The following GRM8 variants were observed in gnomAD, a reference collection of about 807,000 sequenced individuals.
GRM8 encodes metabotropic glutamate receptor 8.
Under a neutral mutation model 87.2 loss-of-function variants are expected in GRM8, and 47 were observed. The ratio of observed to expected loss-of-function variants is 0.54; its 90% CI spans 0.43 to 0.69. GRM8 has a LOEUF of 0.69. Among genes scored for constraint, GRM8 ranks in the 30% least tolerant of loss-of-function variants. The pLI, the probability that GRM8 is intolerant of heterozygous loss-of-function variation, is 0.00. For missense variants in GRM8, 1,019 were observed against 1,139.2 expected (o/e 0.89, Z 1.52); for synonymous variants, 396 against 404.5 (o/e 0.98, Z 0.25).
intron 3 of GRM8, among the ~76,000 whole-genome samples, chr7:126,932,145 A>G (rs1167560737): frequency 6.6e-6 from 1 of 152,030 alleles, no homozygotes; most frequent in African/African-American, 2.4e-5. Context: ...TATTCTCAAG[A>G]CTGTTTTATG....
intron 3 of GRM8, among the ~76,000 whole-genome samples, chr7:127,067,938 G>C (rs921586275): frequency 6.6e-6 from 1 of 152,110 alleles, no homozygotes; most frequent in Non-Finnish European, 1.5e-5. Flanking sequence ...GATTCAGGGA[G>C]AACAGCAAAG....
intron 2 of GRM8, among the ~76,000 whole-genome samples, chr7:127,202,823 T>TA (rs35293208): frequency 6.6e-6 from 1 of 152,188 alleles, no homozygotes; most frequent in Non-Finnish European, 1.5e-5. Flanking sequence ...CCTAATCCTC[T>TA]AAAAAAATTA....
chr7:126,810,454 G>C (rs914288698), intron 6 of GRM8, among the ~76,000 whole-genome samples: 1 of 152,132 alleles, frequency 6.6e-6, no homozygotes, highest in African/African-American at 2.4e-5. Flanking sequence ...CACAGACTTA[G>C]CCTCCTTGTC....
intron 9 of GRM8, among the ~76,000 whole-genome samples, chr7:126,530,046 G>T (rs1814554598): frequency 1.3e-5 from 2 of 152,196 alleles, no homozygotes; most frequent in African/African-American, 2.4e-5. Flanking sequence ...ACAAAGGAAT[G>T]TGGGGAAGTT....
intron 7 of GRM8, among the ~76,000 whole-genome samples, chr7:126,611,525 A>T (rs1439540423): frequency 6.6e-6 from 1 of 152,220 alleles, no homozygotes; most frequent in Non-Finnish European, 1.5e-5. Flanking sequence ...TGGCTGGAAA[A>T]ACACGTATGT....
chr7:126,521,083 CAATTT>C (rs978908332), intron 9 of GRM8, among the ~76,000 whole-genome samples: 3 of 152,050 alleles, frequency 2.0e-5, no homozygotes, highest in South Asian at 2.1e-4. Context: ...CAATTCAATT[CAATTT>C]GAGTAGATGA....
chr7:126,928,003 G>T (rs1343830568), intron 3 of GRM8, among the ~76,000 whole-genome samples: 4 of 152,100 alleles, frequency 2.6e-5, no homozygotes, highest in Non-Finnish European at 5.9e-5. Context: ...TTAAGAAAAT[G>T]TGGCACATAT....
intron 7 of GRM8, among the ~76,000 whole-genome samples, chr7:126,613,285 A>AT (rs10713342): frequency 6.8e-4 from 103 of 151,260 alleles, no homozygotes; most frequent in Non-Finnish European, 1.2e-3. Context: ...TAAGTGGCGA[A>AT]TTTTTTTTTT....
chr7:127,219,335 A>G (rs1277453726), intron 2 of GRM8: 3 of 152,248 alleles, frequency 2.0e-5, no homozygotes, highest in South Asian at 2.1e-4. Context: ...TTTGTCTTTC[A>G]TGACAGAAAT....
chr7:126,470,551 T>G (rs1184296963), intron 9 of GRM8, among the ~76,000 whole-genome samples: 1 of 152,144 alleles, frequency 6.6e-6, no homozygotes, highest in Admixed American at 6.5e-5. Context: ...TGGTATTCCA[T>G]GGTGTATATA....
intron 9 of GRM8, among the ~76,000 whole-genome samples, chr7:126,447,910 C>T (rs1192495811): frequency 1.3e-5 from 2 of 151,950 alleles, no homozygotes; most frequent in Non-Finnish European, 2.9e-5. Flanking sequence ...ACGAGATTTA[C>T]TACAAAGTTT....
At chr7:126,825,247 T>C (rs1794653071) in intron 6 of GRM8, among the ~76,000 whole-genome samples, 1 of 152,080 alleles carries the variant, frequency 6.6e-6, no homozygotes, top group Non-Finnish European at 1.5e-5. Context: ...GTTGTATTTT[T>C]AGTAGAGACA....
At chr7:126,976,884 G>C (rs931349470) in intron 3 of GRM8, among the ~76,000 whole-genome samples, 2 of 143,894 alleles carry the variant, frequency 1.4e-5, no homozygotes, top group Admixed American at 1.4e-4. Flanking sequence ...ACAGGGGGTT[G>C]GGGTTTTATT....
intron 7 of GRM8, among the ~76,000 whole-genome samples, chr7:126,692,471 T>A (rs10272830): frequency 0.019 from 2,956 of 152,244 alleles, 98 homozygotes; most frequent in African/African-American, 0.068. Context: ...CAACATTAGA[T>A]GATGTGTGTT....
At chr7:126,516,081 T>C (rs936411494) in intron 9 of GRM8, among the ~76,000 whole-genome samples, 10 of 152,088 alleles carry the variant, frequency 6.6e-5, no homozygotes, top group African/African-American at 2.4e-4. Context: ...TAAATTCTTA[T>C]AGCAAGTATT....
intron 9 of GRM8, among the ~76,000 whole-genome samples, chr7:126,521,465 G>A (rs1040153444): frequency 6.6e-6 from 1 of 151,570 alleles, no homozygotes; most frequent in Non-Finnish European, 1.5e-5. Context: ...CTATTTGATT[G>A]GTTGAAAACT....
chr7:126,922,964 C>T (rs1379490111), intron 3 of GRM8, among the ~76,000 whole-genome samples: 3 of 152,152 alleles, frequency 2.0e-5, no homozygotes, highest in African/African-American at 7.2e-5. Flanking sequence ...CCTGTTCAGC[C>T]TGCAGAATCA....
At chr7:126,897,626 T>G (rs35953635) in intron 6 of GRM8, among the ~76,000 whole-genome samples, 2 of 151,840 alleles carry the variant, frequency 1.3e-5, no homozygotes, top group African/African-American at 2.4e-5. Flanking sequence ...ATAACACCCA[T>G]CACCACTGAT....
At chr7:126,736,498 T>A (rs1814242985) in intron 7 of GRM8, among the ~76,000 whole-genome samples, 1 of 151,986 alleles carries the variant, frequency 6.6e-6, no homozygotes, top group South Asian at 2.1e-4. Flanking sequence ...TAATGTTATG[T>A]CAATGTTATG....
Sources: gnomAD v4.1 joint callset for allele counts (sites outside exome capture counted in the v4.1 genomes callset) on GRCh38, gnomAD v4.1.1 for gene constraint, MANE v1.5 for transcripts, NCBI Gene and HGNC (gene_info 2026-07-23, HGNC 2026-07-21) for gene names.